Variants in KPNA4 observed in about 807,000 individuals in gnomAD.
KPNA4 encodes importin subunit alpha-3.
KPNA4 carries 13 observed loss-of-function variants against 71.3 expected under a neutral mutation model. The observed-to-expected ratio is 0.18, with a 90% CI of 0.12 to 0.29. The LOEUF (loss-of-function observed/expected upper bound fraction) is 0.29, where lower values mean the gene tolerates loss of function less well. KPNA4 is among the 10% of genes least tolerant of loss of function. KPNA4 has a pLI of 1.00. For synonymous variants in KPNA4, 189 were observed against 195.2 expected, an observed-to-expected ratio of 0.97 and a Z score of 0.26; for missense variants, 334 against 603.2, an observed-to-expected ratio of 0.55 and a Z score of 4.67.
At chr3:160,523,712 G>T (rs183848014) in intron 10 of KPNA4, among the ~76,000 whole-genome samples, 58 of 152,164 alleles carry the variant, frequency 3.8e-4, no homozygotes, top group Non-Finnish European at 2.5e-4. Context: ...TTAGCCAGGC[G>T]TGGTGGCGGG....
chr3:160,552,189 G>A (rs1487436422), intron 1 of KPNA4, among the ~76,000 whole-genome samples: 1 of 152,160 alleles, frequency 6.6e-6, no homozygotes, highest in Non-Finnish European at 1.5e-5. Context: ...ACTAACAGTA[G>A]TGAGAATATG....
In KPNA4 at chr3:160,501,171, T is replaced by C. The variant is rs528821106; in HGVS notation, c.*933A>G. The C allele has an allele frequency of 2.6e-5, 4 of 152,428 alleles. No homozygotes were observed. The highest frequency in any genetic ancestry group is 7.2e-5 in the African/African-American group (3 of 41,426). The allele number at this position is 152,428 out of a possible 1,614,324, so 9.4% of individuals were successfully genotyped here. A position where few individuals can be genotyped will look rare whatever the true frequency, so the allele number is the denominator to read the frequency against. On this transcript the variant is annotated 3_prime_UTR_variant, in exon 17 of 17. Transcript: ENST00000334256. ...TTTTGATGATATGGAAAGCTTTTCA[T>C]AGCATCAAACATTCATCTGGTGCAA... is the stretch of plus-strand genomic sequence containing the variant.
rs139516169 is a variant in KPNA4 at position 160,502,049 on chromosome 3, C to CAT, written c.*53_*54dup. ...ATATATATATATATATACACACACACATATATATATATATATCTCAGTGCT... is the reference window on the plus strand; with the variant it reads ...ATATATATATATATATACACACACACATATATATATATATATATCTCAGTGCT... On this transcript the variant is annotated 3_prime_UTR_variant, in exon 17 of 17. Transcript: ENST00000334256. 0.016 allele frequency: 7,381 copies of CAT among 464,416 alleles called. 4 individuals carry two copies. The highest frequency in any genetic ancestry group is 0.045 in the East Asian group (1,083 of 24,116). 28.8% of individuals were successfully genotyped at this position (464,416 alleles called of 1,614,324 possible). A position where few individuals can be genotyped will look rare whatever the true frequency, so the allele number is the denominator to read the frequency against.
chr3:160,522,246 T>C lies in KPNA4; in HGVS notation c.772-336A>G, dbSNP rs191752172. Among the ~76,000 whole-genome samples, 328 of 152,302 alleles carry C rather than the reference T, an allele frequency of 2.2e-3. 4 individuals carry two copies. The highest frequency in any genetic ancestry group is 3.2e-4 in the Non-Finnish European group (22 of 68,024). ...CTGAGGGATAACAGGTCCAAAAACA[T>C]TGTGGCTCATGTATAAAGCTGGAAA... On this transcript the variant is annotated intron_variant, in intron 10 of 16. Transcript: ENST00000334256.
intron 1 of KPNA4, among the ~76,000 whole-genome samples, chr3:160,557,109 C>G (rs1722152075): frequency 6.6e-6 from 1 of 152,114 alleles, no homozygotes; most frequent in Non-Finnish European, 1.5e-5. Context: ...GGTTTCACAC[C>G]TACTAAAGAA....
intron 1 of KPNA4, among the ~76,000 whole-genome samples, chr3:160,546,968 C>T (rs1007588414): frequency 7.9e-5 from 12 of 152,280 alleles, no homozygotes; most frequent in Non-Finnish European, 1.3e-4. Flanking sequence ...CACTGCAAAG[C>T]GATTCCCATT....
intron 11 of KPNA4, 72 bp downstream of exon 11, chr3:160,521,707 C>G (rs1436997028): frequency 2.9e-5 from 39 of 1,337,552 alleles, no homozygotes; most frequent in Non-Finnish European, 4.0e-5. Context: ...CTGAAATTGT[C>G]CATCTTTGAA....
chr3:160,507,498 T>TC (rs1721010336), intron 15 of KPNA4, among the ~76,000 whole-genome samples: 1 of 78,492 alleles, frequency 1.3e-5, no homozygotes, highest in Non-Finnish European at 2.2e-5. Context: ...AGACACTGTC[T>TC]CAAAAAAAAA....
At chr3:160,509,988 G>A (rs566521536) in intron 13 of KPNA4, 117 bp from the exon 14 acceptor site, 2 of 697,316 alleles carry the variant, frequency 2.9e-6, no homozygotes, top group East Asian at 5.0e-5. Context: ...TAGTCTTTCT[G>A]TATATATCAT....
intron 12 of KPNA4, among the ~76,000 whole-genome samples, chr3:160,514,463 T>C (rs888788239): frequency 6.6e-6 from 1 of 152,176 alleles, no homozygotes; most frequent in South Asian, 2.1e-4. Context: ...CTGAACAAAT[T>C]TGAATGAGCA....
At chr3:160,547,073 G>A (rs1306489255) in intron 1 of KPNA4, among the ~76,000 whole-genome samples, 4 of 152,116 alleles carry the variant, frequency 2.6e-5, no homozygotes, top group African/African-American at 9.7e-5. Context: ...GTATGTAGGC[G>A]ACATGTGCAA....
intron 11 of KPNA4, among the ~76,000 whole-genome samples, chr3:160,520,303 G>A (rs562779664): frequency 1.3e-5 from 2 of 151,476 alleles, no homozygotes; most frequent in South Asian, 4.2e-4. Flanking sequence ...CCAGGCAGGA[G>A]AGTAGTGGCG....
At chr3:160,564,640 C>T (rs551779176) in intron 1 of KPNA4, 1 of 152,082 alleles carries the variant, frequency 6.6e-6, no homozygotes, top group African/African-American at 2.4e-5. Flanking sequence ...GAGAAGTTGT[C>T]CTGTAGTTTG....
At position 160,565,319 on chromosome 3, in the gene KPNA4, G is replaced by C. The variant is rs1436541712; in HGVS notation, c.-37C>G. On this transcript the variant is annotated 5_prime_UTR_variant, in exon 1 of 17. Transcript: ENST00000334256. ...TGACTCCTTCCCCCGCCCGGGCCCC[G>C]CGGGATCCGCCCCAACCAACGCGCC... 8 of 1,530,684 alleles carry C rather than the reference G, an allele frequency of 5.2e-6. No homozygotes were observed. The highest frequency in any genetic ancestry group is 4.8e-5 in the South Asian group (4 of 84,152). The allele number at this position is 1,530,684 out of a possible 1,614,324, so 94.8% of individuals were successfully genotyped here.
At chr3:160,528,613 G>A (rs972779977) in intron 7 of KPNA4, among the ~76,000 whole-genome samples, 4 of 152,162 alleles carry the variant, frequency 2.6e-5, no homozygotes, top group Non-Finnish European at 4.4e-5. Context: ...TGATCTGCCT[G>A]CCTTGGCCTC....
intron 12 of KPNA4, 30 bp from the exon 13 acceptor site, chr3:160,514,211 C>A: frequency 6.6e-7 from 1 of 1,505,430 alleles, no homozygotes; most frequent in South Asian, 1.2e-5. Flanking sequence ...GAATATTTCT[C>A]ATTAAAAAAT....
intron 1 of KPNA4, among the ~76,000 whole-genome samples, chr3:160,544,267 GAA>G (rs1721863148): frequency 6.6e-6 from 1 of 152,206 alleles, no homozygotes; most frequent in African/African-American, 2.4e-5. Context: ...AACAGGGAAA[GAA>G]AAGAGGTTAG....
intron 15 of KPNA4, 55 bp from the exon 16 acceptor site, chr3:160,505,107 GT>G: frequency 2.2e-6 from 2 of 907,256 alleles, no homozygotes; most frequent in Non-Finnish European, 3.2e-6. Context: ...GCAGTGACAA[GT>G]TAGAATAATC....
chr3:160,535,383 T>A (rs1721667570), intron 5 of KPNA4, 130 bp downstream of exon 5: 2 of 558,698 alleles, frequency 3.6e-6, no homozygotes, highest in Non-Finnish European at 6.3e-6. Flanking sequence ...ATTTAGTTGA[T>A]CTATTACTAT....
Sources: allele counts gnomAD v4.1 joint callset (sites outside exome capture counted in the v4.1 genomes callset), GRCh38; gene constraint gnomAD v4.1.1; transcripts MANE v1.5; gene names NCBI Gene and HGNC (gene_info 2026-07-23, HGNC 2026-07-21).